IQCJ: variants seen among roughly 807,000 people sequenced by gnomAD.
The protein encoded by IQCJ is IQ domain-containing protein J.
Under a neutral mutation model 11.0 loss-of-function variants are expected in IQCJ, and 9 were observed. That is an observed-to-expected ratio of 0.82 (90% CI 0.49 to 1.43). The LOEUF (loss-of-function observed/expected upper bound fraction) is 1.43. Ranked by LOEUF, IQCJ falls within the 40% of genes most tolerant of loss-of-function variation. The pLI, the probability that IQCJ is intolerant of heterozygous loss-of-function variation, is 0.00. For missense variants in IQCJ, 146 were observed against 133.2 expected (o/e 1.10, Z -0.47); for synonymous variants, 55 against 51.3 (o/e 1.07, Z -0.31).
intron 1 of IQCJ, among the ~76,000 whole-genome samples, chr3:159,157,704 C>T (rs1440643164): frequency 1.3e-5 from 2 of 152,176 alleles, no homozygotes; most frequent in East Asian, 1.9e-4. Context: ...GCCCAGCATA[C>T]AAATAACCAC....
In IQCJ at chr3:159,209,834, C is replaced by T. The variant is rs77037804; in HGVS notation, c.10-36009C>T. ...GCCATCAGAAGAGCCAAAGATCCTCCTGTAGAGCATTTGCAGGGATGCAAC... is the reference window on the plus strand; with the variant it reads ...GCCATCAGAAGAGCCAAAGATCCTCTTGTAGAGCATTTGCAGGGATGCAAC... On this transcript the variant is annotated intron_variant, in intron 1 of 3. Transcript: ENST00000397832. Among the ~76,000 whole-genome samples, 78 of 152,296 alleles carry T rather than the reference C, an allele frequency of 5.1e-4. 1 individual carries two copies. The highest frequency in any genetic ancestry group is 1.9e-3 in the African/African-American group (77 of 41,570).
chr3:159,255,426 A>G (rs1029152944), intron 3 of IQCJ, among the ~76,000 whole-genome samples: 1 of 152,218 alleles, frequency 6.6e-6, no homozygotes, highest in African/African-American at 2.4e-5. Flanking sequence ...GACTGCCTTC[A>G]CTGTCTACCT....
chr3:159,189,356 G>T (rs1235274350), intron 1 of IQCJ, among the ~76,000 whole-genome samples: 1 of 152,092 alleles, frequency 6.6e-6, no homozygotes, highest in Non-Finnish European at 1.5e-5. Context: ...TGTTTATTTT[G>T]GTTTAGCTAT....
chr3:159,157,989 C>T (rs1577048207), intron 1 of IQCJ, among the ~76,000 whole-genome samples: 2 of 152,120 alleles, frequency 1.3e-5, no homozygotes, highest in East Asian at 3.9e-4. Context: ...TTTTCTATCA[C>T]AAACAATGCA....
At chr3:159,156,602 C>A (rs1030351507) in intron 1 of IQCJ, among the ~76,000 whole-genome samples, 2 of 152,148 alleles carry the variant, frequency 1.3e-5, no homozygotes, top group African/African-American at 4.8e-5. Context: ...GCAGATTGAA[C>A]CTGATGGGTG....
In IQCJ at chr3:159,124,138, C is replaced by T. The variant is rs551280646; in HGVS notation, c.9+54697C>T. 9.9e-5 allele frequency among the ~76,000 whole-genome samples: 15 copies of T among 152,254 alleles called. No homozygotes were observed. In the East Asian group the frequency reaches 2.3e-3, roughly 24 times the overall value. On this transcript the variant is annotated intron_variant, in intron 1 of 3. Transcript: ENST00000397832. ...CATCCTTCCTAGTTCCAGCTCCCTCCGCCCTTATTTGCAGTCAGCCACTAG... is the reference window on the plus strand; with the variant it reads ...CATCCTTCCTAGTTCCAGCTCCCTCTGCCCTTATTTGCAGTCAGCCACTAG...
At chr3:159,132,188 T>G (rs1295092773) in intron 1 of IQCJ, among the ~76,000 whole-genome samples, 7 of 152,218 alleles carry the variant, frequency 4.6e-5, no homozygotes, top group African/African-American at 1.7e-4. Context: ...GTTTCTTGTT[T>G]GTTTGTTTTT....
At chr3:159,233,701 G>A (rs940776803) in intron 1 of IQCJ, among the ~76,000 whole-genome samples, 2 of 152,172 alleles carry the variant, frequency 1.3e-5, no homozygotes, top group African/African-American at 4.8e-5. Flanking sequence ...CAGGAATGGA[G>A]CAGAGCTGGA....
chr3:159,101,431 C>G (rs367770193), intron 1 of IQCJ, among the ~76,000 whole-genome samples: 3 of 152,212 alleles, frequency 2.0e-5, no homozygotes, highest in South Asian at 2.1e-4. Context: ...CATAAGGGAG[C>G]CTGGCGTACC....
intron 1 of IQCJ, among the ~76,000 whole-genome samples, chr3:159,209,126 A>G (rs1724812100): frequency 1.3e-5 from 2 of 152,116 alleles, no homozygotes; most frequent in Admixed American, 1.3e-4. Flanking sequence ...ACACCCCCTG[A>G]TCCTGTACCC....
chr3:159,146,285 T>G (rs113260460), intron 1 of IQCJ, among the ~76,000 whole-genome samples: 4,419 of 152,150 alleles, frequency 0.029, 195 homozygotes, highest in African/African-American at 0.1. Context: ...AAGAAGGCTT[T>G]GGAAATAAAC....
chr3:159,070,575 A>G (rs1715500613), intron 1 of IQCJ, among the ~76,000 whole-genome samples: 1 of 152,114 alleles, frequency 6.6e-6, no homozygotes, highest in South Asian at 2.1e-4. Context: ...CTTTTGTAAT[A>G]GAAACTTGTT....
chr3:159,237,919 T>C (rs1053407707), intron 1 of IQCJ, among the ~76,000 whole-genome samples: 1 of 152,126 alleles, frequency 6.6e-6, no homozygotes, highest in East Asian at 1.9e-4. Context: ...CAAAAGAAAC[T>C]TAGGGTTCTT....
At chr3:159,236,066 A>G (rs972002936) in intron 1 of IQCJ, among the ~76,000 whole-genome samples, 1 of 152,124 alleles carries the variant, frequency 6.6e-6, no homozygotes, top group Non-Finnish European at 1.5e-5. Flanking sequence ...TTTTAAGTCT[A>G]CTACCTCATG....
intron 1 of IQCJ, among the ~76,000 whole-genome samples, chr3:159,216,230 A>T (rs901180541): frequency 1.3e-5 from 2 of 152,118 alleles, no homozygotes; most frequent in African/African-American, 4.8e-5. Context: ...CATCACACAG[A>T]TGTAGGTGAA....
At chr3:159,115,505 T>A (rs1443564539) in intron 1 of IQCJ, among the ~76,000 whole-genome samples, 1 of 152,174 alleles carries the variant, frequency 6.6e-6, no homozygotes, top group Non-Finnish European at 1.5e-5. Flanking sequence ...TAACACTTTC[T>A]CTGCCACAGA....
At chr3:159,255,368 A>G (rs572095402) in intron 3 of IQCJ, among the ~76,000 whole-genome samples, 1 of 152,246 alleles carries the variant, frequency 6.6e-6, no homozygotes, top group Non-Finnish European at 1.5e-5. Context: ...TGGCAAGGCA[A>G]TCTCTGAATG....
At chr3:159,262,039 A>G (rs1728240540) in intron 3 of IQCJ, among the ~76,000 whole-genome samples, 1 of 152,096 alleles carries the variant, frequency 6.6e-6, no homozygotes, top group South Asian at 2.1e-4. Context: ...CATCACTGAC[A>G]CCTTCACCTT....
chr3:159,191,672 A>G (rs192183224), intron 1 of IQCJ, among the ~76,000 whole-genome samples: 15 of 152,320 alleles, frequency 9.8e-5, no homozygotes, highest in African/African-American at 3.6e-4. Flanking sequence ...CTCTGCTTTT[A>G]TCTGAGGAGC....
Sources: allele counts gnomAD v4.1 joint callset (sites outside exome capture counted in the v4.1 genomes callset), GRCh38; gene constraint gnomAD v4.1.1; transcripts MANE v1.5; gene names NCBI Gene and HGNC (gene_info 2026-07-23, HGNC 2026-07-21).